The following LRP8 variants were observed in gnomAD, a reference collection of about 807,000 sequenced individuals.
LRP8 encodes low-density lipoprotein receptor-related protein 8.
LRP8 carries 46 observed loss-of-function variants against 111.6 expected under a neutral mutation model. That is an observed-to-expected ratio of 0.41 (90% confidence interval 0.33 to 0.53). LRP8 has a LOEUF of 0.53. Ranked by LOEUF, LRP8 falls within the 20% of genes least tolerant of loss-of-function variation. The pLI is 0.20. For synonymous variants in LRP8, 464 were observed against 511.2 expected, an observed-to-expected ratio of 0.91 and a Z score of 1.24; for missense variants, 959 against 1,297.4, an observed-to-expected ratio of 0.74 and a Z score of 4.01.
intron 18 of LRP8, among the ~76,000 whole-genome samples, chr1:53,248,859 G>A (rs755362644): frequency 8.5e-5 from 13 of 152,200 alleles, no homozygotes; most frequent in African/African-American, 3.1e-4. Context: ...GCTCTCACAC[G>A]TGCTATCTCA....
chr1:53,257,367 G>C lies in LRP8; in HGVS notation c.2307C>G (p.Thr769=). 6.2e-7 allele frequency: 1 copy of C among 1,614,200 alleles called. No individual in the cohort carries two copies. Among genetic ancestry groups the C allele is most frequent in the Non-Finnish European group, 8.5e-7 (1 of 1,180,032 alleles). The part of the protein sequence containing the change: ...RAPGTTVHRS[T]YQNHSTETPS... ...GTGTCTCTGTGCTGTGGTTCTGGTA[G>C]GTGGATCTGTGGACGGTGGTCCCGG... The change falls in exon 15 of 19, where the codon ACC becomes ACG. Residue 769 remains threonine (T), a synonymous_variant. Coordinates refer to ENST00000306052, the MANE Select transcript of LRP8 (RefSeq NM_004631.5).
Position 53,275,584 on chromosome 1 carries a change from T to A in LRP8, c.1006+47A>T. 1 of 1,607,292 alleles carries A rather than the reference T, an allele frequency of 6.2e-7. No homozygotes were observed. The highest frequency in any genetic ancestry group is 8.5e-7 in the Non-Finnish European group (1 of 1,175,244). On this transcript the variant is annotated intron_variant, in intron 6 of 18. Coordinates refer to ENST00000306052, the MANE Select transcript of LRP8 (RefSeq NM_004631.5). The surrounding 1 kb of genome is among the most constrained non-coding windows in gnomAD (Gnocchi z 4.4). ...TGCCCTCTGGAGAGTTACCAGAGCC[T>A]AGGGCATCCTCACAGAGGATGTGTT...
In LRP8 at chr1:53,246,366, C is replaced by G. The variant is rs993933509; in HGVS notation, c.*652G>C. The G allele has an allele frequency of 2.0e-5, 3 of 152,056 alleles. No homozygotes were observed. The highest frequency in any genetic ancestry group is 7.3e-5 in the African/African-American group (3 of 41,372). The allele number at this position is 152,056 out of a possible 1,614,324, so 9.4% of individuals were successfully genotyped here. Reference sequence around the variant, plus strand: ...ATTTGAACAGTAGCCATAGATGTGCCTCTTCTCTACAGATTTTTCTGTCAC... The same window carrying G: ...ATTTGAACAGTAGCCATAGATGTGCGTCTTCTCTACAGATTTTTCTGTCAC... On this transcript the variant is annotated 3_prime_UTR_variant, in exon 19 of 19. Transcript: ENST00000306052.
At chr1:53,272,866 A>G (rs1308729006) in intron 6 of LRP8, among the ~76,000 whole-genome samples, 1 of 152,148 alleles carries the variant, frequency 6.6e-6, no homozygotes, top group African/African-American at 2.4e-5. Context: ...CACTGCCCCC[A>G]TCATGCATCC....
intron 2 of LRP8, among the ~76,000 whole-genome samples, chr1:53,324,041 C>A (rs1385692674): frequency 6.6e-6 from 1 of 152,200 alleles, no homozygotes; most frequent in Admixed American, 6.5e-5. Context: ...AAATTCCAAC[C>A]CCCATTTTGC....
At chr1:53,325,819 G>A (rs1043673701) in intron 2 of LRP8, among the ~76,000 whole-genome samples, 59 of 152,218 alleles carry the variant, frequency 3.9e-4, no homozygotes, top group African/African-American at 1.4e-3. Context: ...CTTGGAGGGC[G>A]CCCCAGCGCC....
chr1:53,314,330 C>T (rs1273242883), intron 2 of LRP8, among the ~76,000 whole-genome samples: 2 of 152,244 alleles, frequency 1.3e-5, no homozygotes, highest in African/African-American at 4.8e-5. Flanking sequence ...ATGCAGCTAA[C>T]ATTTATAGAG....
rs148468730 is a variant in LRP8, at chr1:53,280,600, G to C, written c.483C>G (p.Ala161=). ...EKDCEGGADE[A]GCATLCAPHE... ...CCCCAGACTCACAGGTAGCACAGCC[G>C]GCCTCATCCGCTCCACCCTCGCAGT... The change falls in exon 4 of 19, where the codon GCC becomes GCG. Residue 161 remains alanine (A), a synonymous_variant. Coordinates refer to ENST00000306052, the MANE Select transcript of LRP8 (RefSeq NM_004631.5). The C allele has an allele frequency of 1.3e-3, 2,044 of 1,612,588 alleles. 6 individuals carry two copies. The highest frequency in any genetic ancestry group is 1.2e-3 in the Non-Finnish European group (1,473 of 1,179,970).
At chr1:53,253,446 G>A (rs981918920) in intron 16 of LRP8, among the ~76,000 whole-genome samples, 13 of 152,076 alleles carry the variant, frequency 8.5e-5, no homozygotes, top group South Asian at 2.1e-4. Flanking sequence ...GTGAGTGGGC[G>A]ATTCATAACA....
chr1:53,290,923 C>T (rs935603270), intron 2 of LRP8, among the ~76,000 whole-genome samples: 18 of 152,100 alleles, frequency 1.2e-4, no homozygotes, highest in South Asian at 4.1e-4. Flanking sequence ...CAGCCCTAGG[C>T]CTCTGAATTA....
chr1:53,276,752 G>A lies in LRP8; in HGVS notation c.823C>T (p.Leu275=), dbSNP rs779272455. ...FACRSGECVH[L]GWRCDGDRDC... The stretch of plus-strand genomic sequence containing the variant: ...CGGTCGCCGTCGCAGCGCCAGCCCA[G>A]GTGCACGCACTCGCCGCTGCGGCAG... Residue 275 remains leucine (L), a synonymous_variant, in exon 5 of 19, where the codon CTG becomes TTG. Transcript: ENST00000306052. 460 of 1,499,304 alleles carry A rather than the reference G, an allele frequency of 3.1e-4. No homozygotes were observed. Among genetic ancestry groups the A allele is most frequent in the Non-Finnish European group, 4.0e-4 (445 of 1,125,060 alleles). 92.9% of individuals were successfully genotyped at this position (1,499,304 alleles called of 1,614,324 possible). A position where few individuals can be genotyped will look rare whatever the true frequency, so the allele number is the denominator to read the frequency against.
rs1050000653 is a variant in LRP8, at chr1:53,243,400, G to A, written c.*3618C>T. The A allele has an allele frequency of 6.6e-6, 1 of 152,116 alleles. No individual in the cohort carries two copies. Among genetic ancestry groups the A allele is most frequent in the South Asian group, 2.1e-4 (1 of 4,828 alleles). The allele number at this position is 152,116 out of a possible 1,614,324, so 9.4% of individuals were successfully genotyped here. ...TTCATTGACCATATAAAAAATCTTTGACTCAAATATATGAAAAGCAGTCAG... is the reference window on the plus strand; with the variant it reads ...TTCATTGACCATATAAAAAATCTTTAACTCAAATATATGAAAAGCAGTCAG... On this transcript the variant is annotated 3_prime_UTR_variant, in exon 19 of 19. Transcript: ENST00000306052.
intron 2 of LRP8, among the ~76,000 whole-genome samples, chr1:53,298,860 G>A (rs1195040946): frequency 1.3e-5 from 2 of 152,246 alleles, no homozygotes; most frequent in Non-Finnish European, 2.9e-5. Flanking sequence ...AGCCCTCTGA[G>A]GGAAGGAGGG....
intron 2 of LRP8, among the ~76,000 whole-genome samples, chr1:53,315,352 A>C (rs1008048791): frequency 6.6e-6 from 1 of 152,176 alleles, no homozygotes; most frequent in Non-Finnish European, 1.5e-5. Flanking sequence ...GGAGGTTCAG[A>C]GAAGGAGGTC....
Position 53,266,602 on chromosome 1 carries a change from C to T in LRP8, c.1298G>A (p.Arg433Gln), listed in dbSNP as rs555498279. ...GTTCCGCTTCACCAGGTCGATCCTCCGCACCTCGTGCCGGTTGGTGAAGAT... is the reference window on the plus strand; with the variant it reads ...GTTCCGCTTCACCAGGTCGATCCTCTGCACCTCGTGCCGGTTGGTGAAGAT... ...SLIFTNRHEV[R>Q]RIDLVKRNYS... The change falls in exon 9 of 19, where the codon CGG (arginine) becomes CAG (glutamine). Residue 433 changes from arginine to glutamine, a missense_variant. Arg to Gln is a conservative substitution (Grantham distance 43, BLOSUM62 1). Around this residue, in one of 3 missense-constraint regions of LRP8, gnomAD observed 819 missense variants for 1,097.6 expected, o/e 0.75. Transcript: ENST00000306052. The surrounding 1 kb of genome is among the most constrained non-coding windows in gnomAD (Gnocchi z 5.0). 19 of 1,614,148 alleles carry T rather than the reference C, an allele frequency of 1.2e-5. No individual in the cohort carries two copies. The highest frequency in any genetic ancestry group is 1.6e-4 in the Middle Eastern group (1 of 6,062).
At chr1:53,289,803 G>A in intron 2 of LRP8, 114 bp from the exon 3 acceptor site, 1 of 1,366,206 alleles carries the variant, frequency 7.3e-7, no homozygotes, top group South Asian at 1.3e-5. Flanking sequence ...CTGACCAAGG[G>A]CAGAGGACAG....
chr1:53,255,062 C>G, intron 16 of LRP8, 55 bp downstream of exon 16: 1 of 1,580,556 alleles, frequency 6.3e-7, no homozygotes, highest in East Asian at 2.2e-5. Context: ...AGCGCTCTTC[C>G]CTAGGCCTAA....
chr1:53,254,197 C>T (rs975798059), intron 16 of LRP8, among the ~76,000 whole-genome samples: 92 of 151,940 alleles, frequency 6.1e-4, no homozygotes, highest in Non-Finnish European at 1.5e-4. Context: ...TACAGGATAC[C>T]GTGTGGTCAT....
rs566985540 is a variant in LRP8, at chr1:53,317,250, G to A, written c.244+9623C>T. ...ACCCTTGGCCTCCAGCTATTCAGTCGGGCAGCTTAACCTGGGCCTGATGGG... is the reference window on the plus strand; with the variant it reads ...ACCCTTGGCCTCCAGCTATTCAGTCAGGCAGCTTAACCTGGGCCTGATGGG... On this transcript the variant is annotated intron_variant, in intron 2 of 18. Coordinates refer to ENST00000306052, the MANE Select transcript of LRP8 (RefSeq NM_004631.5). The surrounding 1 kb of genome is among the most constrained non-coding windows in gnomAD (Gnocchi z 4.9). 5.9e-5 allele frequency among the ~76,000 whole-genome samples: 9 copies of A among 152,268 alleles called. No individual in the cohort carries two copies. The highest frequency in any genetic ancestry group is 2.1e-4 in the South Asian group (1 of 4,822).
Sources: gnomAD v4.1 joint callset for allele counts (sites outside exome capture counted in the v4.1 genomes callset) on GRCh38, gnomAD v4.1.1 for gene constraint, gnomAD v4.1.1 regional missense constraint, Gnocchi (gnomAD v3.1) non-coding constraint, MANE v1.5 for transcripts, NCBI Gene and HGNC (gene_info 2026-07-23, HGNC 2026-07-21) for gene names.